The following RHCE variants were observed in gnomAD, a reference collection of about 807,000 sequenced individuals.
The protein encoded by RHCE is Rh blood group CcEe antigens.
Under a neutral mutation model 43.8 loss-of-function variants are expected in RHCE, and 22 were observed. The observed-to-expected ratio is 0.50, with a 90% CI of 0.36 to 0.72. The LOEUF (loss-of-function observed/expected upper bound fraction) is 0.72. Among genes scored for constraint, RHCE ranks in the 30% least tolerant of loss-of-function variants. The probability of loss-of-function intolerance (pLI) is 0.00; values close to 1 mark genes in which losing one functional copy is unlikely to be tolerated. For synonymous variants in RHCE, 156 were observed against 210.7 expected (o/e 0.74, Z 2.25); for missense variants, 385 against 525.4 (o/e 0.73, Z 2.61).
chr1:25,369,416 C>T (rs779943711), intron 9 of RHCE, among the ~76,000 whole-genome samples: 1 of 151,688 alleles, frequency 6.6e-6, no homozygotes, highest in Non-Finnish European at 1.5e-5. Context: ...AGCCTACCCA[C>T]AGCATTGACT....
chr1:25,402,190 GTCTGTCTGTCTGTCTGTCTATCTA>G, intron 3 of RHCE, among the ~76,000 whole-genome samples: 1 of 133,354 alleles, frequency 7.5e-6, no homozygotes, highest in African/African-American at 2.7e-5. Context: ...CTGTCTGTCT[GTCTGTCTGTCTGTCTGTCTATCTA>G]TCTATCTATC....
intron 3 of RHCE, among the ~76,000 whole-genome samples, chr1:25,401,045 C>T (rs1347178421): frequency 1.3e-5 from 2 of 152,168 alleles, no homozygotes; most frequent in East Asian, 1.9e-4. Context: ...CTTTTCTGAA[C>T]CCAGAAGCCA....
chr1:25,409,706 C>G (rs535777026), intron 1 of RHCE, among the ~76,000 whole-genome samples: 4 of 130,518 alleles, frequency 3.1e-5, no homozygotes, highest in African/African-American at 9.9e-5. Flanking sequence ...CATCTCTGAG[C>G]TTTATAACAG....
chr1:25,390,603 TAG>T, intron 5 of RHCE, 144 bp downstream of exon 5: 1 of 1,004,556 alleles, frequency 1.0e-6, no homozygotes. Context: ...GCATTCTTCC[TAG>T]AGCTCCACTG....
intron 7 of RHCE, among the ~76,000 whole-genome samples, chr1:25,380,328 G>A (rs1001802692): frequency 7.0e-6 from 1 of 142,860 alleles, no homozygotes; most frequent in Admixed American, 7.1e-5. Flanking sequence ...TTGGACCCCC[G>A]AAGCTTCGGG....
chr1:25,372,606 T>C (rs1645645958), intron 8 of RHCE, among the ~76,000 whole-genome samples: 1 of 151,660 alleles, frequency 6.6e-6, no homozygotes, highest in Admixed American at 6.6e-5. Context: ...TCTAGAAACC[T>C]AGCCCACCTC....
chr1:25,380,887 TTTTC>T (rs1306245951), intron 7 of RHCE, among the ~76,000 whole-genome samples: 1 of 151,474 alleles, frequency 6.6e-6, no homozygotes, highest in Non-Finnish European at 1.5e-5. Flanking sequence ...TGTGTACTAA[TTTTC>T]TTTCTTCCTT....
intron 1 of RHCE, chr1:25,419,906 A>G (rs1301598287): frequency 6.9e-6 from 1 of 144,408 alleles, no homozygotes; most frequent in East Asian, 2.0e-4. Flanking sequence ...AGCTGGGCAC[A>G]GTGCTTCACG....
chr1:25,417,290 T>G (rs1413824547), intron 1 of RHCE, among the ~76,000 whole-genome samples: 1 of 152,104 alleles, frequency 6.6e-6, no homozygotes, highest in Non-Finnish European at 1.5e-5. Flanking sequence ...AATAATCTAT[T>G]ATAGTTTACC....
intron 8 of RHCE, among the ~76,000 whole-genome samples, chr1:25,372,089 T>TA (rs923482551): frequency 8.6e-5 from 13 of 150,432 alleles, no homozygotes; most frequent in East Asian, 1.9e-4. Context: ...TTAGACTTTT[T>TA]AAAAAAAAAA....
chr1:25,390,295 A>T (rs1052107625), intron 5 of RHCE, among the ~76,000 whole-genome samples: 8 of 152,122 alleles, frequency 5.3e-5, no homozygotes, highest in Non-Finnish European at 1.2e-4. Flanking sequence ...GGCCACTGAG[A>T]CTCAAAACGT....
intron 7 of RHCE, among the ~76,000 whole-genome samples, chr1:25,381,457 C>CTTTTTT (rs757669054): frequency 1.9e-4 from 26 of 134,218 alleles, no homozygotes; most frequent in East Asian, 4.3e-4. Context: ...TTTTCTTTTT[C>CTTTTTT]TTTTTTTTTT....
chr1:25,379,488 TATATA>T (rs1166909260), intron 7 of RHCE, among the ~76,000 whole-genome samples: 10 of 17,874 alleles, frequency 5.6e-4, no homozygotes, highest in African/African-American at 9.7e-4. Flanking sequence ...TATATATATA[TATATA>T]TATTTTTTTT....
In RHCE at chr1:25,389,266, G is replaced by A. The variant is rs539804280; in HGVS notation, c.802-153C>T. ...CACCTCTCCCCTGTGTTGGGGCTAC[G>A]TGTCCTTCATCAGTGGACACGGTGG... On this transcript the variant is annotated intron_variant, in intron 5 of 9. Coordinates refer to ENST00000294413, the MANE Select transcript of RHCE (RefSeq NM_020485.8). Among the ~76,000 whole-genome samples, 14 of 152,118 alleles carry A rather than the reference G, an allele frequency of 9.2e-5. No homozygotes were observed. The South Asian group carries it at 1.9e-3, about 20-fold the overall frequency.
chr1:25,393,982 T>TTCA (rs1646461787), intron 3 of RHCE, among the ~76,000 whole-genome samples: 1 of 152,064 alleles, frequency 6.6e-6, no homozygotes, highest in Admixed American at 6.6e-5. Flanking sequence ...TGCTTTTTAT[T>TTCA]TTTATTTATT....
chr1:25,429,521 TA>T (rs2042833499), intron 1 of RHCE, among the ~76,000 whole-genome samples: 2 of 152,324 alleles, frequency 1.3e-5, no homozygotes, highest in South Asian at 4.1e-4. Context: ...ATTACACTGA[TA>T]AAGCTACTGG....
At chr1:25,418,712 C>A (rs912753627) in intron 1 of RHCE, among the ~76,000 whole-genome samples, 7 of 152,224 alleles carry the variant, frequency 4.6e-5, no homozygotes, top group Admixed American at 4.6e-4. Flanking sequence ...TTGGATGACC[C>A]GCCTTTGTCC....
At chr1:25,374,082 A>G (rs941558323) in intron 8 of RHCE, among the ~76,000 whole-genome samples, 2 of 150,792 alleles carry the variant, frequency 1.3e-5, no homozygotes, top group African/African-American at 4.9e-5. Context: ...CAGCCTCCCA[A>G]AGTGCTGGGA....
At position 25,362,254 on chromosome 1, in the gene RHCE, T is replaced by C; in HGVS notation, c.*273A>G. The C allele has an allele frequency of 1.5e-6, 1 of 671,250 alleles. No individual in the cohort carries two copies. Among genetic ancestry groups the C allele is most frequent in the Non-Finnish European group, 2.4e-6 (1 of 408,446 alleles). The allele number at this position is 671,250 out of a possible 1,614,324, so 41.6% of individuals were successfully genotyped here. A position where few individuals can be genotyped will look rare whatever the true frequency, so the allele number is the denominator to read the frequency against. On this transcript the variant is annotated 3_prime_UTR_variant, in exon 10 of 10. Transcript: ENST00000294413. ...AGAATCTTAAGAATTGTCAATAAAA[T>C]TAACCCAAAACTTTAATAATGTGTC...
Sources: gnomAD v4.1 joint callset for allele counts (sites outside exome capture counted in the v4.1 genomes callset) on GRCh38, gnomAD v4.1.1 for gene constraint, MANE v1.5 for transcripts, NCBI Gene and HGNC (gene_info 2026-07-23, HGNC 2026-07-21) for gene names.